Variants in CEP85L observed in about 807,000 individuals in gnomAD.
CEP85L encodes centrosomal protein 85L.
A neutral mutation model predicts 100.3 loss-of-function variants in CEP85L; 60 were observed. That is an observed-to-expected ratio of 0.60 (90% CI 0.49 to 0.74). CEP85L has a LOEUF of 0.74. Ranked by LOEUF, CEP85L falls within the 30% of genes least tolerant of loss-of-function variation. The pLI is 0.00. For synonymous variants in CEP85L, 319 were observed against 322.7 expected, an observed-to-expected ratio of 0.99 and a Z score of 0.12; for missense variants, 973 against 936.2, an observed-to-expected ratio of 1.04 and a Z score of -0.51.
At chr6:118,467,973 T>C (rs1772654428) in intron 12 of CEP85L, among the ~76,000 whole-genome samples, 2 of 152,200 alleles carry the variant, frequency 1.3e-5, no homozygotes, top group Admixed American at 1.3e-4. Context: ...TTGGTTAATG[T>C]GTGGACAAGG....
chr6:118,468,219 ATAAC>A (rs1772677234), intron 12 of CEP85L, among the ~76,000 whole-genome samples: 1 of 152,232 alleles, frequency 6.6e-6, no homozygotes, highest in Non-Finnish European at 1.5e-5. Flanking sequence ...ATTTGCCAAA[ATAAC>A]TATTATGATG....
intron 1 of CEP85L, among the ~76,000 whole-genome samples, chr6:118,691,546 AAAAG>A (rs1554246642): frequency 6.6e-6 from 1 of 150,614 alleles, no homozygotes; most frequent in Admixed American, 6.6e-5. Context: ...AAAAAAAAAA[AAAAG>A]AAAGAAACCC....
rs2114372315 is a variant in CEP85L, at chr6:118,703,799, T to C, written c.-28+6237A>G. Among the ~76,000 whole-genome samples the C allele has an allele frequency of 2.0e-5, 3 of 152,304 alleles. 1 individual carries two copies. The highest frequency in any genetic ancestry group is 2.0e-4 in the Admixed American group (3 of 15,298). ...TGAAGTTGGGGAGGTGAAAGCTCCA[T>C]TAATAAAATAAAATCCTTAACCAAT... On this transcript the variant is annotated intron_variant, in intron 1 of 13. Coordinates refer to the CEP85L transcript ENST00000368488.
chr6:118,615,082 C>T (rs1373813167), intron 2 of CEP85L, among the ~76,000 whole-genome samples: 8 of 152,030 alleles, frequency 5.3e-5, no homozygotes, highest in Non-Finnish European at 1.0e-4. Flanking sequence ...CTATACAACG[C>T]TGATGAGCAA....
At chr6:118,681,419 T>A (rs1776654893) in intron 1 of CEP85L, among the ~76,000 whole-genome samples, 1 of 152,124 alleles carries the variant, frequency 6.6e-6, no homozygotes, top group African/African-American at 2.4e-5. Flanking sequence ...TTAGCAGAGA[T>A]CTGGAATGAA....
At chr6:118,580,092 C>G (rs1780482731) in intron 2 of CEP85L, among the ~76,000 whole-genome samples, 1 of 152,198 alleles carries the variant, frequency 6.6e-6, no homozygotes. Flanking sequence ...AAATCAGACA[C>G]CAGCTCCTCC....
intron 1 of CEP85L, among the ~76,000 whole-genome samples, chr6:118,685,481 G>A (rs1297534928): frequency 6.6e-6 from 1 of 152,054 alleles, no homozygotes; most frequent in Non-Finnish European, 1.5e-5. Context: ...AAATATTCTA[G>A]CTCACAATGA....
chr6:118,620,917 T>C (rs928118679), intron 2 of CEP85L, among the ~76,000 whole-genome samples: 6 of 152,126 alleles, frequency 3.9e-5, no homozygotes, highest in African/African-American at 1.4e-4. Flanking sequence ...GGACATATTA[T>C]CCAAAGCTGG....
intron 1 of CEP85L, among the ~76,000 whole-genome samples, chr6:118,671,989 G>A (rs1204351339): frequency 6.6e-6 from 1 of 152,154 alleles, no homozygotes; most frequent in Non-Finnish European, 1.5e-5. Context: ...GTTTGAAATA[G>A]GGAGGAAGGT....
intron 1 of CEP85L, among the ~76,000 whole-genome samples, chr6:118,691,244 A>C (rs1777033112): frequency 6.7e-6 from 1 of 148,926 alleles, no homozygotes; most frequent in Admixed American, 6.7e-5. Context: ...ATGAAACCCC[A>C]TCTCTAGGCC....
chr6:118,540,754 T>TTAAATAAATAAATAAA, intron 3 of CEP85L, among the ~76,000 whole-genome samples: 1 of 147,722 alleles, frequency 6.8e-6, no homozygotes, highest in East Asian at 2.0e-4. Context: ...AGACCCCATC[T>TTAAATAAATAAATAAA]TAAATAAATA....
chr6:118,504,925 G>A (rs1332447330), intron 5 of CEP85L, among the ~76,000 whole-genome samples: 46 of 151,924 alleles, frequency 3.0e-4, no homozygotes, highest in Admixed American at 3.0e-3. Context: ...GTGCTGAGTG[G>A]AGAGTAGAGT....
intron 3 of CEP85L, among the ~76,000 whole-genome samples, chr6:118,558,650 C>CAGAG (rs1433315078): frequency 1.5e-5 from 2 of 136,654 alleles, no homozygotes; most frequent in East Asian, 2.0e-4. Flanking sequence ...CACACACACA[C>CAGAG]ACACACACAC....
chr6:118,470,812 G>C (rs1772897058), intron 10 of CEP85L, among the ~76,000 whole-genome samples, 168 bp from the exon 11 acceptor site: 1 of 152,084 alleles, frequency 6.6e-6, no homozygotes. Context: ...CAGTTAGAGA[G>C]TGGCTGAATC....
intron 12 of CEP85L, 34 bp from the exon 13 acceptor site, chr6:118,465,602 ATT>A: frequency 6.3e-7 from 1 of 1,595,410 alleles, no homozygotes; most frequent in Non-Finnish European, 8.6e-7. Context: ...AATATCTCAC[ATT>A]TTTTTGAACA....
chr6:118,518,574 A>C (rs1776423801), intron 4 of CEP85L, among the ~76,000 whole-genome samples: 1 of 152,088 alleles, frequency 6.6e-6, no homozygotes, highest in East Asian at 1.9e-4. Context: ...ATCAGTGGTG[A>C]TATCCCCTTT....
At chr6:118,615,232 C>CT (rs1472098850) in intron 2 of CEP85L, among the ~76,000 whole-genome samples, 1 of 151,958 alleles carries the variant, frequency 6.6e-6, no homozygotes, top group Non-Finnish European at 1.5e-5. Flanking sequence ...TTTTTGTATT[C>CT]TTTTTTGTGC....
chr6:118,609,895 C>T (rs2115219412), intron 2 of CEP85L, among the ~76,000 whole-genome samples: 1 of 151,886 alleles, frequency 6.6e-6, no homozygotes. Flanking sequence ...ATAGGCAAAC[C>T]CAAAATAAAG....
intron 1 of CEP85L, among the ~76,000 whole-genome samples, chr6:118,680,460 A>C (rs1186210737): frequency 6.6e-6 from 1 of 152,100 alleles, no homozygotes; most frequent in Non-Finnish European, 1.5e-5. Context: ...TAGTTTATGC[A>C]TCAGATATTA....
Sources: allele counts gnomAD v4.1 joint callset (sites outside exome capture counted in the v4.1 genomes callset), GRCh38; gene constraint gnomAD v4.1.1; transcripts MANE v1.5; gene names NCBI Gene and HGNC (gene_info 2026-07-23, HGNC 2026-07-21).